The following TRPS1 variants were observed in gnomAD, a reference collection of about 807,000 sequenced individuals.
The protein encoded by TRPS1 is zinc finger transcription factor Trps1.
A neutral mutation model predicts 101.2 loss-of-function variants in TRPS1; 6 were observed. The ratio of observed to expected loss-of-function variants is 0.06; its 90% confidence interval spans 0.03 to 0.12. The LOEUF is 0.12. TRPS1 is among the 10% of genes least tolerant of loss of function. TRPS1 has a pLI of 1.00. For missense variants in TRPS1, 1,363 were observed against 1,567.0 expected, an observed-to-expected ratio of 0.87 and a Z score of 2.20; for synonymous variants, 578 against 589.8, an observed-to-expected ratio of 0.98 and a Z score of 0.29.
intron 5 of TRPS1, among the ~76,000 whole-genome samples, chr8:115,534,529 C>T (rs1816234251): frequency 6.6e-6 from 1 of 152,218 alleles, no homozygotes; most frequent in South Asian, 2.1e-4. Flanking sequence ...GCTCTAACCC[C>T]CGGTGTGATG....
chr8:115,627,337 C>T (rs1318951863), intron 1 of TRPS1, among the ~76,000 whole-genome samples: 1 of 151,882 alleles, frequency 6.6e-6, no homozygotes, highest in South Asian at 2.1e-4. Flanking sequence ...AACACACACA[C>T]ACACAATTAA....
intron 3 of TRPS1, among the ~76,000 whole-genome samples, chr8:115,607,290 CAA>C (rs1818061055): frequency 6.6e-6 from 1 of 152,028 alleles, no homozygotes; most frequent in Non-Finnish European, 1.5e-5. Context: ...GGCTACGAAT[CAA>C]TACTATCAGG....
intron 5 of TRPS1, among the ~76,000 whole-genome samples, chr8:115,480,030 A>T (rs1235379130): frequency 6.6e-6 from 1 of 152,134 alleles, no homozygotes. Flanking sequence ...AGTGAATCAT[A>T]TTCATATGTA....
chr8:115,448,614 C>G lies in TRPS1; in HGVS notation c.2701-30162G>C, dbSNP rs544199218. ...GTCTCTAATTCCGAGATAGACAATG[C>G]ACTTGAAATGCATTCATCTCTCACT... On this transcript the variant is annotated intron_variant, in intron 5 of 6. Transcript: ENST00000395715. Among the ~76,000 whole-genome samples, 6 of 152,306 alleles carry G rather than the reference C, an allele frequency of 3.9e-5. No homozygotes were observed. The East Asian group carries it at 1.2e-3, about 29-fold the overall frequency.
At chr8:115,566,210 A>C (rs955180135) in intron 5 of TRPS1, among the ~76,000 whole-genome samples, 1 of 152,190 alleles carries the variant, frequency 6.6e-6, no homozygotes, top group African/African-American at 2.4e-5. Flanking sequence ...CATGTATCAT[A>C]AAATTCTGGA....
At chr8:115,415,512 A>T (rs1157754612) in intron 6 of TRPS1, among the ~76,000 whole-genome samples, 1 of 152,196 alleles carries the variant, frequency 6.6e-6, no homozygotes, top group Non-Finnish European at 1.5e-5. Flanking sequence ...TGGAAAAATT[A>T]CACATTGCTA....
In TRPS1 at chr8:115,413,684, A is replaced by G. The variant is rs898327830; in HGVS notation, c.*339T>C. 4.0e-6 allele frequency: 1 copy of G among 247,600 alleles called. No homozygotes were observed. The highest frequency in any genetic ancestry group is 2.3e-5 in the African/African-American group (1 of 43,234). 15.3% of individuals were successfully genotyped at this position (247,600 alleles called of 1,614,324 possible). A position where few individuals can be genotyped will look rare whatever the true frequency, so the allele number is the denominator to read the frequency against. ...ATGTAAACCCTTTCAAATTCTAGAC[A>G]GTTTTGGTCTCTTTCTTTATAAATA... On this transcript the variant is annotated 3_prime_UTR_variant, in exon 7 of 7. Coordinates refer to ENST00000395715, the MANE Select transcript of TRPS1 (RefSeq NM_014112.5).
intron 5 of TRPS1, among the ~76,000 whole-genome samples, chr8:115,442,560 T>C (rs1266172276): frequency 2.0e-5 from 3 of 151,372 alleles, no homozygotes; most frequent in African/African-American, 4.9e-5. Flanking sequence ...CGTGTGTGTG[T>C]GTGTGTGTGT....
intron 1 of TRPS1, among the ~76,000 whole-genome samples, chr8:115,641,343 A>C (rs1818890475): frequency 6.6e-6 from 1 of 152,206 alleles, no homozygotes; most frequent in East Asian, 1.9e-4. Context: ...CAAATGTGAC[A>C]TCATTTAAAT....
intron 1 of TRPS1, among the ~76,000 whole-genome samples, chr8:115,656,184 A>G (rs1811672594): frequency 6.6e-6 from 1 of 152,178 alleles, no homozygotes; most frequent in South Asian, 2.1e-4. Flanking sequence ...TTCTAGTAGT[A>G]TTCAAGATAT....
At chr8:115,662,744 A>C (rs1335725528) in intron 1 of TRPS1, among the ~76,000 whole-genome samples, 1 of 151,886 alleles carries the variant, frequency 6.6e-6, no homozygotes, top group East Asian at 1.9e-4. Context: ...TAGGGTTAAA[A>C]AATTATCATC....
chr8:115,634,465 A>C (rs1439420804), intron 1 of TRPS1, among the ~76,000 whole-genome samples: 1 of 152,208 alleles, frequency 6.6e-6, no homozygotes, highest in East Asian at 1.9e-4. Context: ...GGATAACTTA[A>C]AGTTAATCAC....
Position 115,619,382 on chromosome 8 carries a change from A to C in TRPS1, c.716T>G (p.Ile239Ser). Residue 239 changes from isoleucine (I) to serine (S), a missense_variant, in exon 3 of 7, where the codon ATC becomes AGC. Around this residue, in one of 5 missense-constraint regions of TRPS1, gnomAD observed 1,020 missense variants for 1,073.0 expected, o/e 0.95. Transcript: ENST00000395715. ...GTTGCCGTAGTAACCATATCCACAG[A>C]TATTGCATTTAAAGTCCTGAAGCTC... ...SPELQDFKCNICGYGYYGNDP... is the reference protein window; with the variant it reads ...SPELQDFKCNSCGYGYYGNDP... 6.2e-7 allele frequency: 1 copy of C among 1,614,124 alleles called. No homozygotes were observed. Among genetic ancestry groups the C allele is most frequent in the Non-Finnish European group, 8.5e-7 (1 of 1,180,036 alleles).
At chr8:115,628,930 T>C (rs1441609132) in intron 1 of TRPS1, among the ~76,000 whole-genome samples, 3 of 151,944 alleles carry the variant, frequency 2.0e-5, no homozygotes, top group East Asian at 3.9e-4. Flanking sequence ...CAATGTACAT[T>C]AGCGTTTACA....
intron 5 of TRPS1, among the ~76,000 whole-genome samples, chr8:115,481,710 G>A (rs1814756290): frequency 6.6e-6 from 1 of 152,156 alleles, no homozygotes; most frequent in African/African-American, 2.4e-5. Flanking sequence ...CTGCTTTCAG[G>A]AACACAGTGG....
At chr8:115,453,579 A>T (rs1166207764) in intron 5 of TRPS1, among the ~76,000 whole-genome samples, 1 of 152,210 alleles carries the variant, frequency 6.6e-6, no homozygotes, top group Non-Finnish European at 1.5e-5. Flanking sequence ...AAAGATGAAA[A>T]CAAGCTCAAA....
At chr8:115,514,887 A>T (rs1373405601) in intron 5 of TRPS1, among the ~76,000 whole-genome samples, 1 of 151,628 alleles carries the variant, frequency 6.6e-6, no homozygotes, top group East Asian at 1.9e-4. Flanking sequence ...CCATCACAAG[A>T]TCTTTATAGT....
At chr8:115,633,578 T>C (rs1818698492) in intron 1 of TRPS1, among the ~76,000 whole-genome samples, 1 of 152,212 alleles carries the variant, frequency 6.6e-6, no homozygotes, top group African/African-American at 2.4e-5. Context: ...AAAAGCCTGA[T>C]AGTTATTTAG....
chr8:115,562,701 T>G (rs541180584), intron 5 of TRPS1, among the ~76,000 whole-genome samples: 2 of 152,198 alleles, frequency 1.3e-5, no homozygotes, highest in South Asian at 4.1e-4. Context: ...GATAAGATGT[T>G]CTTTTTCTAT....
Sources: allele counts gnomAD v4.1 joint callset (sites outside exome capture counted in the v4.1 genomes callset), GRCh38; gene constraint gnomAD v4.1.1; regional missense constraint gnomAD v4.1.1; transcripts MANE v1.5; gene names NCBI Gene and HGNC (gene_info 2026-07-23, HGNC 2026-07-21).